PAK1: variants seen among roughly 807,000 people sequenced by gnomAD.
PAK1 encodes the protein serine/threonine-protein kinase PAK 1.
A neutral mutation model predicts 67.4 loss-of-function variants in PAK1; 29 were observed. The ratio of observed to expected loss-of-function variants is 0.43; its 90% CI spans 0.32 to 0.59. The LOEUF (loss-of-function observed/expected upper bound fraction) is 0.59. PAK1 is among the 20% of genes least tolerant of loss of function. The pLI is 0.07. For missense variants in PAK1, 337 were observed against 670.7 expected, an observed-to-expected ratio of 0.50 and a Z score of 5.50; for synonymous variants, 223 against 237.4, an observed-to-expected ratio of 0.94 and a Z score of 0.56.
intron 1 of PAK1, among the ~76,000 whole-genome samples, chr11:77,406,315 C>T (rs143449040): frequency 6.6e-5 from 10 of 152,306 alleles, no homozygotes; most frequent in South Asian, 4.1e-4. Context: ...CAAGACCAAA[C>T]GGAACTCTTG....
chr11:77,369,620 A>G (rs1948142706), intron 5 of PAK1, among the ~76,000 whole-genome samples: 2 of 150,818 alleles, frequency 1.3e-5, no homozygotes, highest in African/African-American at 4.9e-5. Flanking sequence ...GCTAATTTTT[A>G]TATTTTTAGT....
At chr11:77,455,627 T>C (rs990588678) in intron 1 of PAK1, among the ~76,000 whole-genome samples, 1 of 152,194 alleles carries the variant, frequency 6.6e-6, no homozygotes, top group African/African-American at 2.4e-5. Flanking sequence ...CTCTCTGATA[T>C]CCTTTAATAA....
At chr11:77,407,322 C>T (rs1953742530) in intron 1 of PAK1, among the ~76,000 whole-genome samples, 1 of 152,184 alleles carries the variant, frequency 6.6e-6, no homozygotes, top group Non-Finnish European at 1.5e-5. Context: ...GACCATGGAA[C>T]TAAATTACCA....
chr11:77,467,563 CT>C (rs1957655796), intron 1 of PAK1, among the ~76,000 whole-genome samples: 2 of 152,222 alleles, frequency 1.3e-5, no homozygotes, highest in Non-Finnish European at 1.5e-5. Flanking sequence ...TGCTTCTCAA[CT>C]TTGCATATCA....
chr11:77,499,638 C>T, the PAK1 span, among the ~76,000 whole-genome samples: 1 of 152,184 alleles, frequency 6.6e-6, no homozygotes, highest in Non-Finnish European at 1.5e-5. Flanking sequence ...CTTAAGTATT[C>T]CAGTGATACT....
At chr11:77,525,541 A>G in the PAK1 span, among the ~76,000 whole-genome samples, 1 of 152,198 alleles carries the variant, frequency 6.6e-6, no homozygotes, top group Non-Finnish European at 1.5e-5. Context: ...GGATGCAAGG[A>G]AAGCCTTACA....
rs572977436 is a variant in PAK1 at position 77,367,152 on chromosome 11, A to G, written c.477+7176T>C. 5.3e-5 allele frequency among the ~76,000 whole-genome samples: 8 copies of G among 152,348 alleles called. No homozygotes were observed. The South Asian group carries it at 1.7e-3, about 32-fold the overall frequency. On this transcript the variant is annotated intron_variant, in intron 5 of 14. Transcript: ENST00000356341. ...CTAGAAAGACAAATTTATAAAGACC[A>G]GAAGCAGATCAGTGGTTTCCTAGGG... is the stretch of plus-strand genomic sequence containing the variant.
the PAK1 span, among the ~76,000 whole-genome samples, chr11:77,489,968 G>A: frequency 1.6e-4 from 24 of 150,612 alleles, no homozygotes; most frequent in South Asian, 2.7e-3. Context: ...AGTGAGGAGC[G>A]TCTCTGCCCG....
At chr11:77,447,864 C>T (rs939167935) in intron 1 of PAK1, among the ~76,000 whole-genome samples, 12 of 152,150 alleles carry the variant, frequency 7.9e-5, no homozygotes, top group Admixed American at 6.5e-4. Flanking sequence ...TACAGAATTG[C>T]CTACAGTTGC....
intron 1 of PAK1, among the ~76,000 whole-genome samples, chr11:77,438,449 C>T (rs1292994744): frequency 6.6e-6 from 1 of 152,170 alleles, no homozygotes; most frequent in South Asian, 2.1e-4. Flanking sequence ...CAAAGGCTTG[C>T]CTCCAAAACA....
chr11:77,494,332 T>A, the PAK1 span, among the ~76,000 whole-genome samples: 2 of 143,602 alleles, frequency 1.4e-5, no homozygotes, highest in East Asian at 4.1e-4. Flanking sequence ...TGTGAAAAGA[T>A]GTCCTTGATA....
At chr11:77,400,712 C>T (rs1007257752) in intron 1 of PAK1, among the ~76,000 whole-genome samples, 2 of 152,200 alleles carry the variant, frequency 1.3e-5, no homozygotes, top group African/African-American at 4.8e-5. Flanking sequence ...AGGATTTAAG[C>T]ATTATTTGGG....
chr11:77,517,536 C>T, the PAK1 span, among the ~76,000 whole-genome samples: 1 of 152,182 alleles, frequency 6.6e-6, no homozygotes, highest in Non-Finnish European at 1.5e-5. Context: ...CCTAGGTCAG[C>T]AGTCCCCAAC....
chr11:77,349,513 A>G, intron 8 of PAK1: 1 of 537,570 alleles, frequency 1.9e-6, no homozygotes, highest in South Asian at 2.3e-5. Flanking sequence ...TGGTACTTCT[A>G]CCTAGTACCT....
chr11:77,406,712 G>C (rs1242879957), intron 1 of PAK1, among the ~76,000 whole-genome samples: 2 of 152,154 alleles, frequency 1.3e-5, no homozygotes, highest in Non-Finnish European at 2.9e-5. Flanking sequence ...AAAAGGTCAA[G>C]ACTGCAGTGA....
rs774724859 is a variant in PAK1 at position 77,340,697 on chromosome 11, C to G, written c.1065G>C (p.Val355=). Residue 355 remains valine, a synonymous_variant, in exon 11 of 15, where the codon GTG becomes GTC. Transcript: ENST00000356341. ...EYLAGGSLTD[V]VTETCMDEGQ... ...CTTCATCCATGCAAGTTTCTGTCACCACATCTGTCAAGGAGCCTCCAGCCA... is the reference window on the plus strand; with the variant it reads ...CTTCATCCATGCAAGTTTCTGTCACGACATCTGTCAAGGAGCCTCCAGCCA... The G allele has an allele frequency of 6.2e-7, 1 of 1,612,474 alleles. No homozygotes were observed. The highest frequency in any genetic ancestry group is 8.5e-7 in the Non-Finnish European group (1 of 1,178,478).
At chr11:77,441,813 C>G (rs563333481) in intron 1 of PAK1, among the ~76,000 whole-genome samples, 2 of 152,292 alleles carry the variant, frequency 1.3e-5, no homozygotes, top group East Asian at 1.9e-4. Flanking sequence ...TGGAGATGCA[C>G]AGTTTCATCA....
intron 2 of PAK1, among the ~76,000 whole-genome samples, chr11:77,388,246 T>C (rs112222073): frequency 0.032 from 4,910 of 152,340 alleles, 130 homozygotes; most frequent in African/African-American, 0.074. Flanking sequence ...AGCTGTATCA[T>C]TGAATAAAGT....
the PAK1 span, among the ~76,000 whole-genome samples, chr11:77,494,188 A>G: frequency 6.6e-6 from 1 of 152,366 alleles, no homozygotes; most frequent in African/African-American, 2.4e-5. Flanking sequence ...TTACTGCAGC[A>G]CTGTAACCTC....
Sources: allele counts gnomAD v4.1 joint callset (sites outside exome capture counted in the v4.1 genomes callset), GRCh38; gene constraint gnomAD v4.1.1; transcripts MANE v1.5; gene names NCBI Gene and HGNC (gene_info 2026-07-23, HGNC 2026-07-21).